The following BCL11B variants were observed in gnomAD, a reference collection of about 807,000 sequenced individuals.
BCL11B encodes the protein B-cell lymphoma/leukemia 11B.
BCL11B carries 8 observed loss-of-function variants against 49.9 expected under a neutral mutation model. That is an observed-to-expected ratio of 0.16 (90% CI 0.09 to 0.29). BCL11B has a LOEUF of 0.29. Among genes scored for constraint, BCL11B ranks in the 10% least tolerant of loss-of-function variants. BCL11B has a pLI of 1.00. For synonymous variants in BCL11B, 739 were observed against 637.4 expected (o/e 1.16, Z -2.40); for missense variants, 1,006 against 1,351.0 (o/e 0.74, Z 4.00).
At chr14:99,243,281 C>T (rs2487509) in intron 2 of BCL11B, among the ~76,000 whole-genome samples, 27,393 of 151,922 alleles carry the variant, frequency 0.18, 2,831 homozygotes, top group Non-Finnish European at 0.23. Context: ...AATTGAAAAA[C>T]CAAGTGCCCC....
intron 3 of BCL11B, among the ~76,000 whole-genome samples, chr14:99,208,887 C>T (rs1043135260): frequency 5.9e-5 from 9 of 152,216 alleles, no homozygotes; most frequent in Non-Finnish European, 1.3e-4. Flanking sequence ...TCAGCTCCAA[C>T]AGCCACATAC....
intron 3 of BCL11B, among the ~76,000 whole-genome samples, chr14:99,199,697 C>T (rs1370746679): frequency 1.2e-4 from 7 of 57,408 alleles, no homozygotes; most frequent in African/African-American, 3.1e-4. Flanking sequence ...CGCGCGCGCG[C>T]ACGTGCACGT....
At chr14:99,193,357 T>C (rs1887092189) in intron 3 of BCL11B, among the ~76,000 whole-genome samples, 1 of 152,080 alleles carries the variant, frequency 6.6e-6, no homozygotes, top group Non-Finnish European at 1.5e-5. Flanking sequence ...TGTAATTAAG[T>C]AGAGAATGCT....
At chr14:99,186,117 A>G (rs150374448) in intron 3 of BCL11B, among the ~76,000 whole-genome samples, 3 of 152,352 alleles carry the variant, frequency 2.0e-5, no homozygotes, top group African/African-American at 7.2e-5. Flanking sequence ...CTCAGTCACT[A>G]GTGAAGGGTG....
At chr14:99,229,031 G>GATGGATGC (rs1888240800) in intron 3 of BCL11B, among the ~76,000 whole-genome samples, 1 of 123,614 alleles carries the variant, frequency 8.1e-6, no homozygotes, top group Admixed American at 9.0e-5. Context: ...TGGATGGATG[G>GATGGATGC]ATGGATGGAT....
In BCL11B at chr14:99,174,517, T is replaced by C. The variant is rs1294692211; in HGVS notation, c.2319A>G (p.Gly773=). 1 of 1,529,624 alleles carries C rather than the reference T, an allele frequency of 6.5e-7. No individual in the cohort carries two copies. 94.8% of individuals were successfully genotyped at this position (1,529,624 alleles called of 1,614,324 possible). The part of the protein sequence containing the change: ...GLSGRSGTAS[G]GSTPHLGGPG... ...GGCCGCCCAGGTGCGGGGTGCTGCC[T>C]CCGCTGGCCGTGCCGCTGCGGCCCG... Residue 773 remains glycine, a synonymous_variant, in exon 4 of 4, where the codon GGA becomes GGG. Coordinates refer to ENST00000357195, the MANE Select transcript of BCL11B (RefSeq NM_138576.4).
intron 1 of BCL11B, among the ~76,000 whole-genome samples, chr14:99,269,695 A>G (rs1889597921): frequency 1.3e-5 from 2 of 150,794 alleles, no homozygotes; most frequent in African/African-American, 4.9e-5. Context: ...AAAATATAAC[A>G]TAAATATTCG....
chr14:99,185,395 C>G (rs1886822254), intron 3 of BCL11B, among the ~76,000 whole-genome samples: 1 of 151,186 alleles, frequency 6.6e-6, no homozygotes, highest in Non-Finnish European at 1.5e-5. Flanking sequence ...TGAGATCACA[C>G]CACTGCACTC....
At chr14:99,240,912 A>T (rs1888650499) in intron 2 of BCL11B, among the ~76,000 whole-genome samples, 2 of 152,254 alleles carry the variant, frequency 1.3e-5, no homozygotes, top group Admixed American at 1.3e-4. Flanking sequence ...TAATGTAATT[A>T]AAGAAACCGG....
Position 99,171,928 on chromosome 14 carries a change from C to T in BCL11B, c.*2223G>A, listed in dbSNP as rs1328210356. The T allele has an allele frequency of 5.0e-6, 1 of 198,912 alleles. No individual in the cohort carries two copies. Among genetic ancestry groups the T allele is most frequent in the Non-Finnish European group, 1.0e-5 (1 of 96,408 alleles). 12.3% of individuals were successfully genotyped at this position (198,912 alleles called of 1,614,324 possible). A position where few individuals can be genotyped will look rare whatever the true frequency, so the allele number is the denominator to read the frequency against. ...TATTACAAATACTGGTCCACTTTTA[C>T]AGTAATCAAGAAATTTTAATATATA... On this transcript the variant is annotated 3_prime_UTR_variant, in exon 4 of 4. Transcript: ENST00000357195.
intron 2 of BCL11B, among the ~76,000 whole-genome samples, chr14:99,250,426 A>C (rs1642787022): frequency 6.6e-6 from 1 of 152,100 alleles, no homozygotes; most frequent in African/African-American, 2.4e-5. Flanking sequence ...ACTCTGTCTC[A>C]AAAATAAATA....
At chr14:99,265,191 A>G (rs946857658) in intron 1 of BCL11B, among the ~76,000 whole-genome samples, 3 of 152,220 alleles carry the variant, frequency 2.0e-5, no homozygotes, top group Admixed American at 6.5e-5. Flanking sequence ...CTTCCCCATT[A>G]ATAAATACAA....
chr14:99,250,943 G>A lies in BCL11B; in HGVS notation c.427+6528C>T, dbSNP rs565592265. On this transcript the variant is annotated intron_variant, in intron 2 of 3. Coordinates refer to ENST00000357195, the MANE Select transcript of BCL11B (RefSeq NM_138576.4). ...TCCAATAAAACTTTCAACTACAATC[G>A]GTGCTGATGTCACCATGTTAGCGGC... Among the ~76,000 whole-genome samples the A allele has an allele frequency of 4.0e-4, 60 of 151,526 alleles. 1 individual carries two copies. The highest frequency in any genetic ancestry group is 1.3e-3 in the African/African-American group (52 of 41,252).
rs1040662326 is a variant in BCL11B at position 99,174,181 on chromosome 14, G to A, written c.2655C>T (p.Asp885=). The change falls in exon 4 of 4, where the codon GAC becomes GAT. Residue 885 remains aspartate, a synonymous_variant. Transcript: ENST00000357195. The part of the protein sequence containing the change: ...KWHGEHLLTN[D]VKIEQAERS Reference sequence around the variant, plus strand: ...TCCTCTCGGCCTGCTCGATTTTGACGTCGTTAGTCAGCAAGTGCTCGCCGT... The same window carrying A: ...TCCTCTCGGCCTGCTCGATTTTGACATCGTTAGTCAGCAAGTGCTCGCCGT... 4 of 1,613,230 alleles carry A rather than the reference G, an allele frequency of 2.5e-6. No individual in the cohort carries two copies. Among genetic ancestry groups the A allele is most frequent in the African/African-American group, 1.3e-5 (1 of 74,888 alleles).
intron 3 of BCL11B, among the ~76,000 whole-genome samples, chr14:99,181,037 C>T (rs1886684753): frequency 6.6e-6 from 1 of 152,064 alleles, no homozygotes; most frequent in Admixed American, 6.5e-5. Context: ...CAGAGATGTT[C>T]AATAAAAAAC....
At chr14:99,239,199 G>A (rs866552611) in intron 2 of BCL11B, among the ~76,000 whole-genome samples, 2 of 152,188 alleles carry the variant, frequency 1.3e-5, no homozygotes, top group African/African-American at 2.4e-5. Flanking sequence ...CTGATCAGAG[G>A]TGTGGTAGCT....
At chr14:99,181,580 C>CCA (rs1170347660) in intron 3 of BCL11B, among the ~76,000 whole-genome samples, 2 of 152,240 alleles carry the variant, frequency 1.3e-5, no homozygotes, top group Non-Finnish European at 2.9e-5. Flanking sequence ...GGTTCTCCCA[C>CCA]CACACTGTGA....
intron 3 of BCL11B, among the ~76,000 whole-genome samples, chr14:99,217,453 C>T (rs148042163): frequency 2.0e-5 from 3 of 151,290 alleles, no homozygotes; most frequent in Non-Finnish European, 4.4e-5. Context: ...GGCCCAAGGA[C>T]CCTGGCAGAG....
At position 99,262,783 on chromosome 14, in the gene BCL11B, C is replaced by T. The variant is rs112912434; in HGVS notation, c.59-4944G>A. Among the ~76,000 whole-genome samples, 5,736 of 152,006 alleles carry T rather than the reference C, an allele frequency of 0.038. 151 individuals are homozygous for T. Among genetic ancestry groups the T allele is most frequent in the Middle Eastern group, 0.068 (20 of 294 alleles). On this transcript the variant is annotated intron_variant, in intron 1 of 3. Coordinates refer to ENST00000357195, the MANE Select transcript of BCL11B (RefSeq NM_138576.4). This position sits in a 1 kb window ranked among gnomAD's most constrained non-coding sequence, Gnocchi z 4.2. The stretch of plus-strand genomic sequence containing the variant: ...GAAACGCCACCACACGCACACTCGA[C>T]GGAGCACAACACTTTCTGAGCTGCC...
Sources: gnomAD v4.1 joint callset for allele counts (sites outside exome capture counted in the v4.1 genomes callset) on GRCh38, gnomAD v4.1.1 for gene constraint, Gnocchi (gnomAD v3.1) non-coding constraint, MANE v1.5 for transcripts, NCBI Gene and HGNC (gene_info 2026-07-23, HGNC 2026-07-21) for gene names.